Variants in SLC12A1 observed in about 807,000 individuals in gnomAD.
SLC12A1 encodes solute carrier family 12 member 1, also known as Na-K-2Cl cotransporter.
Under a neutral mutation model 130.4 loss-of-function variants are expected in SLC12A1, and 89 were observed. The ratio of observed to expected loss-of-function variants is 0.68; its 90% CI spans 0.58 to 0.81. SLC12A1 has a LOEUF of 0.81. SLC12A1 is among the 40% of genes least tolerant of loss of function. SLC12A1 has a pLI of 0.00. For missense variants in SLC12A1, 1,310 were observed against 1,336.4 expected (o/e 0.98, Z 0.31); for synonymous variants, 499 against 460.0 (o/e 1.08, Z -1.09).
At chr15:48,214,237 C>T (rs1336061471) in intron 2 of SLC12A1, among the ~76,000 whole-genome samples, 1 of 151,860 alleles carries the variant, frequency 6.6e-6, no homozygotes, top group African/African-American at 2.4e-5. Context: ...GCCAGTTCCC[C>T]GGGGAGCTCA....
intron 24 of SLC12A1, among the ~76,000 whole-genome samples, chr15:48,297,013 T>C (rs1388089390): frequency 6.6e-6 from 1 of 152,192 alleles, no homozygotes; most frequent in Non-Finnish European, 1.5e-5. Flanking sequence ...ATTTAGACAA[T>C]AGGAATTACT....
intron 25 of SLC12A1, among the ~76,000 whole-genome samples, chr15:48,300,669 A>G (rs947205547): frequency 3.9e-5 from 6 of 152,252 alleles, no homozygotes; most frequent in Non-Finnish European, 7.3e-5. Flanking sequence ...GTTTTTTCAT[A>G]TAATTGAGCA....
intron 11 of SLC12A1, 107 bp from the exon 12 acceptor site, chr15:48,246,802 G>C (rs2041586975): frequency 1.2e-6 from 1 of 824,634 alleles, no homozygotes; most frequent in Non-Finnish European, 2.1e-6. Context: ...AACAAGAAAA[G>C]GAATGTGAGA....
rs866188503 is a variant in SLC12A1 at position 48,294,363 on chromosome 15, A to G, written c.2960+2499A>G. 6.5e-4 allele frequency among the ~76,000 whole-genome samples: 98 copies of G among 151,802 alleles called. No individual in the cohort carries two copies. In the Middle Eastern group the frequency reaches 0.014, roughly 21 times the overall value. On this transcript the variant is annotated intron_variant, in intron 24 of 26. Transcript: ENST00000380993. Reference sequence around the variant, plus strand: ...ACTACATCTCAAAAAAAAAAAAAAAAAAGAAGAAGAAGAAAAGAAAAATAC... The same window carrying G: ...ACTACATCTCAAAAAAAAAAAAAAAGAAGAAGAAGAAGAAAAGAAAAATAC...
At chr15:48,272,588 A>T (rs868489220) in intron 19 of SLC12A1, among the ~76,000 whole-genome samples, 140 of 152,134 alleles carry the variant, frequency 9.2e-4, no homozygotes, top group African/African-American at 3.3e-3. Flanking sequence ...CACCATGCCC[A>T]GCTAATTTTT....
rs35045348 is a variant in SLC12A1 at position 48,261,279 on chromosome 15, G to T, written c.2154+1968G>T. Among the ~76,000 whole-genome samples the T allele has an allele frequency of 4.9e-3, 740 of 152,238 alleles. 8 individuals carry two copies. The highest frequency in any genetic ancestry group is 0.044 in the Middle Eastern group (13 of 294). ...ATCTATTGGCAAAGGAGAAAGGGTC[G>T]CCTCAGAAACAAAAGAGATTGCTTT... On this transcript the variant is annotated intron_variant, in intron 17 of 26. Coordinates refer to ENST00000380993, the MANE Select transcript of SLC12A1 (RefSeq NM_000338.3).
At chr15:48,279,821 C>A (rs1306471072) in intron 20 of SLC12A1, among the ~76,000 whole-genome samples, 1 of 152,146 alleles carries the variant, frequency 6.6e-6, no homozygotes. Context: ...TGTGTCTGAT[C>A]AAGTGGCTTA....
intron 19 of SLC12A1, among the ~76,000 whole-genome samples, chr15:48,271,296 G>A (rs749767158): frequency 6.6e-6 from 1 of 152,130 alleles, no homozygotes; most frequent in African/African-American, 2.4e-5. Flanking sequence ...TGTTAGCTAT[G>A]CCCAAAAGCC....
intron 2 of SLC12A1, among the ~76,000 whole-genome samples, chr15:48,213,501 A>T (rs1285297815): frequency 7.6e-6 from 1 of 131,272 alleles, no homozygotes; most frequent in African/African-American, 3.0e-5. Flanking sequence ...TTCCTCTAGA[A>T]TTTTTTTTTT....
chr15:48,290,772 T>C (rs2042110611), intron 23 of SLC12A1, among the ~76,000 whole-genome samples: 1 of 151,936 alleles, frequency 6.6e-6, no homozygotes, highest in Non-Finnish European at 1.5e-5. Flanking sequence ...TGTATGCTAA[T>C]ATTATATAGA....
At chr15:48,214,731 T>G (rs1182366967) in intron 2 of SLC12A1, among the ~76,000 whole-genome samples, 1 of 152,016 alleles carries the variant, frequency 6.6e-6, no homozygotes, top group Admixed American at 6.5e-5. Context: ...TTACTGGGAT[T>G]GGTTTTTAGA....
intron 11 of SLC12A1, 56 bp from the exon 12 acceptor site, chr15:48,246,853 T>A: frequency 8.6e-7 from 1 of 1,167,416 alleles, no homozygotes. Context: ...GCCGTTTGCT[T>A]ATGAAACAGA....
Position 48,207,832 on chromosome 15 carries a change from A to C in SLC12A1, c.113A>C (p.Asp38Ala), listed in dbSNP as rs150581202. 16 of 1,614,026 alleles carry C rather than the reference A, an allele frequency of 9.9e-6. No homozygotes were observed. The East Asian group carries it at 3.6e-4, about 36-fold the overall frequency. Residue 38 changes from aspartate to alanine, a missense_variant, in exon 2 of 27, where the codon GAC (aspartate) becomes GCC (alanine). Asp to Ala is a moderately radical substitution (Grantham distance 126, BLOSUM62 -2). Transcript: ENST00000380993. The part of the protein sequence containing the change: ...ENHESSAAAD[D>A]NTDPPHYEET... ...CATGAGAGCAGTGCAGCTGCAGATGACAATACTGACCCACCACATTATGAA... is the reference window on the plus strand; with the variant it reads ...CATGAGAGCAGTGCAGCTGCAGATGCCAATACTGACCCACCACATTATGAA...
At chr15:48,293,163 C>T (rs1015102540) in intron 24 of SLC12A1, among the ~76,000 whole-genome samples, 6 of 152,230 alleles carry the variant, frequency 3.9e-5, no homozygotes, top group African/African-American at 1.4e-4. Flanking sequence ...CCCGCCTTAT[C>T]CTCCCAAAGT....
chr15:48,241,665 G>C (rs2041517734), intron 10 of SLC12A1, 66 bp downstream of exon 10: 8 of 1,124,102 alleles, frequency 7.1e-6, no homozygotes, highest in Non-Finnish European at 9.5e-6. Flanking sequence ...CACGTCTAGT[G>C]AGCTTTCAAT....
intron 9 of SLC12A1, 36 bp downstream of exon 9, chr15:48,235,040 G>C: frequency 6.2e-7 from 1 of 1,610,114 alleles, no homozygotes; most frequent in Non-Finnish European, 8.5e-7. Context: ...TCCTGGGAGT[G>C]GTGGTACACT....
chr15:48,238,961 G>A (rs1321231471), intron 9 of SLC12A1, among the ~76,000 whole-genome samples: 1 of 152,236 alleles, frequency 6.6e-6, no homozygotes, highest in Non-Finnish European at 1.5e-5. Flanking sequence ...AAATTGGGAT[G>A]TGGTTGACAT....
At chr15:48,267,508 C>T (rs2041844641) in intron 17 of SLC12A1, 53 bp from the exon 18 acceptor site, 2 of 1,594,952 alleles carry the variant, frequency 1.3e-6, no homozygotes, top group Admixed American at 1.7e-5. Flanking sequence ...AAAACAACAG[C>T]AATGTGATAT....
In SLC12A1 at chr15:48,246,927, G is replaced by T. The variant is rs1486896660; in HGVS notation, c.1471G>T (p.Gly491Trp). ...TCTCAAGGTCATGAGCATGGTATCA[G>T]GGTTCGGCCCCCTCATCACTGCGGG... is the stretch of plus-strand genomic sequence containing the variant. ...NNFQVMSMVS[G>W]FGPLITAGIF... is the part of the protein sequence containing the mutation. Residue 491 changes from glycine to tryptophan, a missense_variant, in exon 12 of 27, where the codon GGG becomes TGG. Gly to Trp is a radical substitution (Grantham distance 184). Coordinates refer to ENST00000380993, the MANE Select transcript of SLC12A1 (RefSeq NM_000338.3). 8 of 1,613,822 alleles carry T rather than the reference G, an allele frequency of 5.0e-6. No individual in the cohort carries two copies. The highest frequency in any genetic ancestry group is 6.8e-6 in the Non-Finnish European group (8 of 1,179,722).
Sources: allele counts gnomAD v4.1 joint callset (sites outside exome capture counted in the v4.1 genomes callset), GRCh38; gene constraint gnomAD v4.1.1; transcripts MANE v1.5; gene names NCBI Gene and HGNC (gene_info 2026-07-23, HGNC 2026-07-21).